The following MEOX2 variants were observed in gnomAD, a reference collection of about 807,000 sequenced individuals.
MEOX2 encodes the protein homeobox protein MOX-2.
MEOX2 carries 11 observed loss-of-function variants against 27.0 expected under a neutral mutation model. The observed-to-expected ratio is 0.41, with a 90% CI of 0.26 to 0.68. The LOEUF is 0.68. Among genes scored for constraint, MEOX2 ranks in the 30% least tolerant of loss-of-function variants. The pLI is 0.33. For synonymous variants in MEOX2, 189 were observed against 155.4 expected (o/e 1.22, Z -1.61); for missense variants, 436 against 385.4 (o/e 1.13, Z -1.10).
At chr7:15,656,748 A>G (rs907707510) in intron 1 of MEOX2, among the ~76,000 whole-genome samples, 1 of 152,076 alleles carries the variant, frequency 6.6e-6, no homozygotes, top group South Asian at 2.1e-4. Flanking sequence ...AGAGAAAGAC[A>G]ATGTATTGTA....
rs1350587361 is a variant in MEOX2, at chr7:15,686,579, TTTACATA to T, written c.-184_-178del. On this transcript the variant is annotated 5_prime_UTR_variant, in exon 1 of 3. It removes an upstream start codon present in the reference 5' UTR. Transcript: ENST00000262041. ...TCCTGAGCCCCAGCGGCCAGTCTCC[TTTACATA>T]TGAACAGTCGGACCTGGAAGAGCTT... 3.2e-6 allele frequency: 2 copies of T among 632,804 alleles called. No homozygotes were observed. The highest frequency in any genetic ancestry group is 5.5e-6 in the Non-Finnish European group (2 of 366,496). The allele number at this position is 632,804 out of a possible 1,614,324, so 39.2% of individuals were successfully genotyped here.
chr7:15,625,922 A>G (rs538677531), intron 2 of MEOX2, among the ~76,000 whole-genome samples: 18 of 152,298 alleles, frequency 1.2e-4, no homozygotes, highest in Admixed American at 1.1e-3. Context: ...AACATTAATA[A>G]TTTCAAAGTA....
intron 2 of MEOX2, 28 bp from the exon 3 acceptor site, chr7:15,612,639 C>G: frequency 2.5e-6 from 4 of 1,590,928 alleles, no homozygotes; most frequent in Non-Finnish European, 3.4e-6. Flanking sequence ...AACAAACAAA[C>G]AGAAAAAAAG....
chr7:15,666,001 T>A (rs1189015693), intron 1 of MEOX2, among the ~76,000 whole-genome samples: 1 of 152,064 alleles, frequency 6.6e-6, no homozygotes, highest in Non-Finnish European at 1.5e-5. Context: ...GTGGTTTTGA[T>A]GGATTCTAGA....
chr7:15,686,155 T>C lies in MEOX2; in HGVS notation c.248A>G (p.Gln83Arg). 6.4e-7 allele frequency: 1 copy of C among 1,568,770 alleles called. No homozygotes were observed. ...GTTGGTTTGCAGAGCCTGGTGCTGCTGCTGCTGATGGTGGTGATGGTGGTG... is the reference window on the plus strand; with the variant it reads ...GTTGGTTTGCAGAGCCTGGTGCTGCCGCTGCTGATGGTGGTGATGGTGGTG... ...HHHHHHHHQQ[Q>R]QHQALQTNWH... The change falls in exon 1 of 3, where the codon CAG (glutamine) becomes CGG (arginine). Residue 83 changes from glutamine to arginine, a missense_variant. By Grantham distance (43) the Gln-to-Arg change is conservative. Coordinates refer to ENST00000262041, the MANE Select transcript of MEOX2 (RefSeq NM_005924.5).
In MEOX2 at chr7:15,686,603, G is replaced by C. The variant is rs1016663058; in HGVS notation, c.-201C>G. On this transcript the variant is annotated 5_prime_UTR_variant, in exon 1 of 3. Transcript: ENST00000262041. ...CTTTACATATGAACAGTCGGACCTG[G>C]AAGAGCTTCCCTGAGCTACTCAGAT... The C allele has an allele frequency of 1.0e-5, 6 of 596,934 alleles. No individual in the cohort carries two copies. Among genetic ancestry groups the C allele is most frequent in the African/African-American group, 7.4e-5 (4 of 53,866 alleles). 37.0% of individuals were successfully genotyped at this position (596,934 alleles called of 1,614,324 possible).
chr7:15,632,432 T>A (rs553234816), intron 1 of MEOX2, among the ~76,000 whole-genome samples: 1 of 151,890 alleles, frequency 6.6e-6, no homozygotes, highest in Non-Finnish European at 1.5e-5. Flanking sequence ...TTTATTATTA[T>A]GTAATGCTTC....
At chr7:15,652,148 G>A (rs190381684) in intron 1 of MEOX2, among the ~76,000 whole-genome samples, 8 of 151,974 alleles carry the variant, frequency 5.3e-5, no homozygotes, top group African/African-American at 1.4e-4. Context: ...ATTCATTTTC[G>A]TTTGACTTTT....
At chr7:15,627,002 A>G in intron 1 of MEOX2, 84 bp from the exon 2 acceptor site, 5 of 1,374,620 alleles carry the variant, frequency 3.6e-6, no homozygotes, top group Admixed American at 3.5e-5. Context: ...TTGAATTACT[A>G]CTTTTCCAGG....
At chr7:15,672,828 G>C (rs1419157425) in intron 1 of MEOX2, among the ~76,000 whole-genome samples, 2 of 151,676 alleles carry the variant, frequency 1.3e-5, no homozygotes, top group African/African-American at 2.4e-5. Flanking sequence ...GGAGGCAGAG[G>C]TTGCAGTGAG....
At chr7:15,638,413 T>C (rs1408880246) in intron 1 of MEOX2, among the ~76,000 whole-genome samples, 1 of 152,194 alleles carries the variant, frequency 6.6e-6, no homozygotes, top group African/African-American at 2.4e-5. Flanking sequence ...TTAAAATACT[T>C]TGTTTTATTT....
chr7:15,615,368 TTTTG>T (rs998804448), intron 2 of MEOX2, among the ~76,000 whole-genome samples: 6 of 151,864 alleles, frequency 4.0e-5, no homozygotes, highest in South Asian at 2.1e-4. Flanking sequence ...TTTTTGGTTT[TTTTG>T]TTTGTTTGTT....
Position 15,664,855 on chromosome 7 carries a change from A to T in MEOX2, c.517+21031T>A, listed in dbSNP as rs147345300. ...TCTGCTGGACTTTCTAGCAGGTGTGAAGACCCCACCACTCCTTCTGTTGCA... is the reference window on the plus strand; with the variant it reads ...TCTGCTGGACTTTCTAGCAGGTGTGTAGACCCCACCACTCCTTCTGTTGCA... On this transcript the variant is annotated intron_variant, in intron 1 of 2. Coordinates refer to ENST00000262041, the MANE Select transcript of MEOX2 (RefSeq NM_005924.5). 2.0e-5 allele frequency among the ~76,000 whole-genome samples: 3 copies of T among 152,268 alleles called. No individual in the cohort carries two copies. The East Asian group carries it at 5.8e-4, about 29-fold the overall frequency.
chr7:15,649,688 T>A (rs1205736465), intron 1 of MEOX2, among the ~76,000 whole-genome samples: 2 of 152,012 alleles, frequency 1.3e-5, no homozygotes, highest in African/African-American at 4.8e-5. Context: ...GTCGATGCCA[T>A]GAATGAATGA....
chr7:15,683,348 A>G (rs918402872), intron 1 of MEOX2, among the ~76,000 whole-genome samples: 3 of 152,034 alleles, frequency 2.0e-5, no homozygotes, highest in African/African-American at 7.2e-5. Context: ...AAACTACCTA[A>G]CAAAATACAA....
intron 1 of MEOX2, among the ~76,000 whole-genome samples, chr7:15,672,719 C>G (rs1036210290): frequency 1.3e-5 from 2 of 151,800 alleles, no homozygotes; most frequent in East Asian, 1.9e-4. Context: ...GGTGAAACCC[C>G]ATCTCTACTA....
chr7:15,645,918 G>T (rs150330227), intron 1 of MEOX2, among the ~76,000 whole-genome samples: 1 of 152,118 alleles, frequency 6.6e-6, no homozygotes, highest in African/African-American at 2.4e-5. Context: ...CTAAAGGAAA[G>T]TGTTTCTGGT....
intron 1 of MEOX2, among the ~76,000 whole-genome samples, chr7:15,664,416 T>C (rs1781966175): frequency 6.6e-6 from 1 of 152,128 alleles, no homozygotes; most frequent in East Asian, 1.9e-4. Context: ...TACTCATTTA[T>C]TTTGATTGAG....
intron 2 of MEOX2, among the ~76,000 whole-genome samples, chr7:15,616,292 T>C (rs1047989779): frequency 1.3e-5 from 2 of 151,872 alleles, no homozygotes; most frequent in African/African-American, 4.8e-5. Context: ...GCATATCTTA[T>C]AGAAAATAGA....
Sources: allele counts gnomAD v4.1 joint callset (sites outside exome capture counted in the v4.1 genomes callset), GRCh38; gene constraint gnomAD v4.1.1; transcripts MANE v1.5; gene names NCBI Gene and HGNC (gene_info 2026-07-23, HGNC 2026-07-21).